The following PRKCA variants were observed in gnomAD, a reference collection of about 807,000 sequenced individuals.
The protein encoded by PRKCA is protein kinase C alpha type.
In PRKCA, 27 loss-of-function variants were observed where a neutral mutation model predicts 87.0. The ratio of observed to expected loss-of-function variants is 0.31; its 90% CI spans 0.23 to 0.43. The LOEUF (loss-of-function observed/expected upper bound fraction) is 0.43, where lower values mean the gene tolerates loss of function less well. Ranked by LOEUF, PRKCA falls within the 20% of genes least tolerant of loss-of-function variation. PRKCA has a pLI of 1.00. For missense variants in PRKCA, 518 were observed against 852.3 expected, an observed-to-expected ratio of 0.61 and a Z score of 4.88; for synonymous variants, 329 against 311.1, an observed-to-expected ratio of 1.06 and a Z score of -0.61.
intron 2 of PRKCA, among the ~76,000 whole-genome samples, chr17:66,471,562 G>T (rs1915324275): frequency 6.6e-6 from 1 of 151,872 alleles, no homozygotes; most frequent in Non-Finnish European, 1.5e-5. Context: ...AGCCCTCCAT[G>T]ATTTTAGGGG....
chr17:66,765,418 C>CTATATATACA (rs1555646686), intron 13 of PRKCA, among the ~76,000 whole-genome samples: 2 of 49,310 alleles, frequency 4.1e-5, no homozygotes, highest in Non-Finnish European at 7.8e-5. Flanking sequence ...AAGACTTTGT[C>CTATATATACA]TATATATATA....
At chr17:66,737,196 CAAA>C (rs59025976) in intron 10 of PRKCA, among the ~76,000 whole-genome samples, 4 of 125,310 alleles carry the variant, frequency 3.2e-5, no homozygotes, top group Admixed American at 1.7e-4. Flanking sequence ...ACTAAATATA[CAAA>C]AAAAAAAAAA....
At chr17:66,394,618 C>T (rs911491702) in intron 2 of PRKCA, among the ~76,000 whole-genome samples, 1 of 152,098 alleles carries the variant, frequency 6.6e-6, no homozygotes, top group African/African-American at 2.4e-5. Context: ...AATAAGTAAA[C>T]CCCATGATAT....
At chr17:66,305,913 T>TC (rs966423705) in intron 1 of PRKCA, among the ~76,000 whole-genome samples, 183 bp from the exon 2 acceptor site, 24 of 152,152 alleles carry the variant, frequency 1.6e-4, no homozygotes, top group Non-Finnish European at 1.6e-4. Flanking sequence ...AAGATTTTTT[T>TC]CCCCCCAAGG....
At chr17:66,718,111 G>A (rs924771596) in intron 8 of PRKCA, among the ~76,000 whole-genome samples, 4 of 152,108 alleles carry the variant, frequency 2.6e-5, no homozygotes, top group East Asian at 3.8e-4. Context: ...TAGTCCACTC[G>A]GGCTGCTATA....
At chr17:66,559,748 G>A (rs1458873815) in intron 3 of PRKCA, among the ~76,000 whole-genome samples, 2 of 152,056 alleles carry the variant, frequency 1.3e-5, no homozygotes, top group East Asian at 1.9e-4. Flanking sequence ...ATCCCAGAAC[G>A]GTTTCAAGTC....
At chr17:66,446,253 ACACACTCACACATT>A (rs1476923754) in intron 2 of PRKCA, among the ~76,000 whole-genome samples, 1 of 151,900 alleles carries the variant, frequency 6.6e-6, no homozygotes, top group African/African-American at 2.4e-5. Flanking sequence ...ACACACACAC[ACACACTCACACATT>A]CACACTCACA....
intron 2 of PRKCA, among the ~76,000 whole-genome samples, chr17:66,463,226 G>C (rs1017187026): frequency 5.3e-5 from 8 of 152,084 alleles, no homozygotes; most frequent in African/African-American, 1.9e-4. Context: ...AGTTTTTGCT[G>C]ACTTTTCTCT....
intron 2 of PRKCA, among the ~76,000 whole-genome samples, chr17:66,420,596 T>C (rs1183698799): frequency 6.6e-6 from 1 of 152,194 alleles, no homozygotes; most frequent in Non-Finnish European, 1.5e-5. Flanking sequence ...TAGGCTCATG[T>C]AAGTGTTCTG....
At chr17:66,646,459 C>CT (rs1567952798) in intron 5 of PRKCA, among the ~76,000 whole-genome samples, 1 of 272 alleles carries the variant, frequency 3.7e-3, no homozygotes, top group African/African-American at 6.9e-3. Flanking sequence ...TTTCCTTGCA[C>CT]TTGGGGTCCC....
intron 9 of PRKCA, among the ~76,000 whole-genome samples, chr17:66,734,334 G>C (rs569237793): frequency 6.6e-6 from 1 of 152,222 alleles, no homozygotes; most frequent in Non-Finnish European, 1.5e-5. Context: ...TTTCTTGATC[G>C]TATGCTAAAC....
intron 2 of PRKCA, among the ~76,000 whole-genome samples, chr17:66,332,420 G>T (rs1906387171): frequency 6.6e-6 from 1 of 151,810 alleles, no homozygotes; most frequent in Non-Finnish European, 1.5e-5. Flanking sequence ...TAGAGACAGG[G>T]TTTCCCCATG....
intron 8 of PRKCA, among the ~76,000 whole-genome samples, chr17:66,720,832 C>T (rs897999318): frequency 1.3e-5 from 2 of 152,208 alleles, no homozygotes; most frequent in Non-Finnish European, 2.9e-5. Flanking sequence ...TAGAAAGAAG[C>T]TTCTGTTGTC....
At chr17:66,317,292 C>T (rs1042369698) in intron 2 of PRKCA, among the ~76,000 whole-genome samples, 35 of 152,168 alleles carry the variant, frequency 2.3e-4, no homozygotes, top group Admixed American at 2.3e-3. Context: ...TGGTCAGAAA[C>T]CTTGGTAAGG....
At chr17:66,335,588 CAA>C in intron 2 of PRKCA, among the ~76,000 whole-genome samples, 1 of 129,942 alleles carries the variant, frequency 7.7e-6, no homozygotes. Flanking sequence ...CCCCACTGCC[CAA>C]AAAAAAAAAA....
chr17:66,512,706 C>T (rs1305038995), intron 3 of PRKCA, among the ~76,000 whole-genome samples: 1 of 152,032 alleles, frequency 6.6e-6, no homozygotes, highest in South Asian at 2.1e-4. Flanking sequence ...GATCATACCC[C>T]CCTTGTTATT....
At chr17:66,535,173 A>C (rs1967730336) in intron 3 of PRKCA, among the ~76,000 whole-genome samples, 1 of 152,212 alleles carries the variant, frequency 6.6e-6, no homozygotes, top group Non-Finnish European at 1.5e-5. Flanking sequence ...ACTCAGCAGT[A>C]GGCAGGACTT....
At chr17:66,525,325 A>T (rs1967310228) in intron 3 of PRKCA, among the ~76,000 whole-genome samples, 1 of 152,194 alleles carries the variant, frequency 6.6e-6, no homozygotes, top group Non-Finnish European at 1.5e-5. Flanking sequence ...TTTTGTTACT[A>T]ATAATTGAAA....
chr17:66,716,538 T>C (rs76126447), intron 8 of PRKCA, among the ~76,000 whole-genome samples: 3,885 of 152,054 alleles, frequency 0.026, 180 homozygotes, highest in African/African-American at 0.089. Flanking sequence ...GATTTAGCAA[T>C]TGGGGAGAAC....
Sources: allele counts gnomAD v4.1 joint callset (sites outside exome capture counted in the v4.1 genomes callset), GRCh38; gene constraint gnomAD v4.1.1; transcripts MANE v1.5; gene names NCBI Gene and HGNC (gene_info 2026-07-23, HGNC 2026-07-21).